Variants in CFAP263 observed in about 807,000 individuals in gnomAD.
The protein encoded by CFAP263 is cilia and flagella associated protein 263.
At chr16:58,279,666 CT>C in the CFAP263 span, 9 of 1,495,858 alleles carry the variant, frequency 6.0e-6, no homozygotes, top group Admixed American at 2.2e-5. Flanking sequence ...CATTTTTTTT[CT>C]TTTTTTCTTT....
the CFAP263 span, chr16:58,280,126 G>T: frequency 1.6e-6 from 2 of 1,252,288 alleles, no homozygotes; most frequent in Non-Finnish European, 2.2e-6. Context: ...GGCAGCCCCA[G>T]TGTGCAACTA....
chr16:58,257,057 G>A, the CFAP263 span, among the ~76,000 whole-genome samples: 4 of 56,750 alleles, frequency 7.0e-5, 1 homozygote, highest in Non-Finnish European at 1.2e-4. Flanking sequence ...TCGCTCTGTC[G>A]CCCAGGCTGG....
At chr16:58,267,461 T>G in the CFAP263 span, 34 of 1,549,286 alleles carry the variant, frequency 2.2e-5, no homozygotes, top group Non-Finnish European at 3.0e-5. Flanking sequence ...CAAGACTTGC[T>G]GTGTTGTTAT....
chr16:58,264,959 GCTCTT>G, the CFAP263 span, among the ~76,000 whole-genome samples: 1 of 152,204 alleles, frequency 6.6e-6, no homozygotes, highest in Non-Finnish European at 1.5e-5. Context: ...GCAGAAATGG[GCTCTT>G]CTCTTCTGTG....
At chr16:58,262,097 C>A in the CFAP263 span, among the ~76,000 whole-genome samples, 1 of 152,068 alleles carries the variant, frequency 6.6e-6, no homozygotes, top group Non-Finnish European at 1.5e-5. Flanking sequence ...CCCACTCCCC[C>A]ACATGCCCCC....
the CFAP263 span, among the ~76,000 whole-genome samples, chr16:58,270,514 G>T: frequency 6.6e-6 from 1 of 151,220 alleles, no homozygotes; most frequent in Non-Finnish European, 1.5e-5. Context: ...GTAAGTTAAG[G>T]ATCATCTGTA....
At chr16:58,279,227 G>C in the CFAP263 span, among the ~76,000 whole-genome samples, 1 of 152,126 alleles carries the variant, frequency 6.6e-6, no homozygotes, top group Non-Finnish European at 1.5e-5. Flanking sequence ...GCAAACTGAG[G>C]TCATGCAGGA....
chr16:58,270,714 C>CA, the CFAP263 span, among the ~76,000 whole-genome samples: 2 of 152,090 alleles, frequency 1.3e-5, no homozygotes, highest in Non-Finnish European at 2.9e-5. Flanking sequence ...ATTTACTCCT[C>CA]TGTCTTCTTT....
chr16:58,261,392 G>T, the CFAP263 span, among the ~76,000 whole-genome samples: 2 of 152,216 alleles, frequency 1.3e-5, no homozygotes, highest in African/African-American at 4.8e-5. Flanking sequence ...GCATCAGGAA[G>T]AGGGGCTTTA....
the CFAP263 span, among the ~76,000 whole-genome samples, chr16:58,258,982 AAAATAAAT>A: frequency 6.8e-3 from 974 of 144,038 alleles, 5 homozygotes; most frequent in Middle Eastern, 0.011. Context: ...CGTCTCAGAA[AAAATAAAT>A]AAATAAATAA....
At chr16:58,255,464 ATACTT>A in the CFAP263 span, among the ~76,000 whole-genome samples, 3 of 152,150 alleles carry the variant, frequency 2.0e-5, no homozygotes, top group African/African-American at 7.2e-5. Flanking sequence ...CCCAGAAACA[ATACTT>A]TACCAGCCAT....
At chr16:58,280,431 G>A in the CFAP263 span, 1 of 1,614,082 alleles carries the variant, frequency 6.2e-7, no homozygotes, top group Non-Finnish European at 8.5e-7. Flanking sequence ...CTCTAGAGCT[G>A]TTTCCTAGTC....
At chr16:58,266,180 C>T in the CFAP263 span, among the ~76,000 whole-genome samples, 73 of 151,858 alleles carry the variant, frequency 4.8e-4, 1 homozygote, top group African/African-American at 1.7e-3. Flanking sequence ...GTTCTAGGCT[C>T]CTCTGTTTTG....
At chr16:58,269,257 G>C in the CFAP263 span, among the ~76,000 whole-genome samples, 3 of 152,156 alleles carry the variant, frequency 2.0e-5, no homozygotes, top group Non-Finnish European at 2.9e-5. Context: ...CTTGAGCCTA[G>C]GAGGTGGAGG....
At chr16:58,257,297 G>A in the CFAP263 span, among the ~76,000 whole-genome samples, 5 of 112,140 alleles carry the variant, frequency 4.5e-5, no homozygotes, top group African/African-American at 8.0e-5. Flanking sequence ...GATTACAGGC[G>A]TGAGCCACCG....
chr16:58,270,620 T>C, the CFAP263 span, among the ~76,000 whole-genome samples: 1 of 152,296 alleles, frequency 6.6e-6, no homozygotes, highest in African/African-American at 2.4e-5. Flanking sequence ...TTGATACAAG[T>C]CCAGTTTATC....
the CFAP263 span, among the ~76,000 whole-genome samples, chr16:58,256,839 T>A: frequency 6.8e-6 from 1 of 146,908 alleles, no homozygotes; most frequent in Non-Finnish European, 1.5e-5. Context: ...TTTATAGTAA[T>A]ATGTGTGTGT....
chr16:58,252,702 C>T, the CFAP263 span: 1 of 1,607,844 alleles, frequency 6.2e-7, no homozygotes, highest in Non-Finnish European at 8.5e-7. Context: ...ATTACTAGAA[C>T]TTACTCAGGT....
chr16:58,265,008 C>A, the CFAP263 span, among the ~76,000 whole-genome samples: 1 of 152,160 alleles, frequency 6.6e-6, no homozygotes, highest in Non-Finnish European at 1.5e-5. Flanking sequence ...AAGGTGGCAG[C>A]TTTTTCTCTG....
Sources: allele counts gnomAD v4.1 joint callset (sites outside exome capture counted in the v4.1 genomes callset), GRCh38; gene constraint gnomAD v4.1.1; transcripts MANE v1.5; gene names NCBI Gene and HGNC (gene_info 2026-07-23, HGNC 2026-07-21).